NIPAL3: variants seen among roughly 807,000 people sequenced by gnomAD.
The protein encoded by NIPAL3 is NIPA-like protein 3.
Under a neutral mutation model 47.2 loss-of-function variants are expected in NIPAL3, and 41 were observed. That is an observed-to-expected ratio of 0.87 (90% CI 0.68 to 1.13). NIPAL3 has a LOEUF of 1.13. Ranked by LOEUF, NIPAL3 falls within the 50% of genes most tolerant of loss-of-function variation. The pLI is 0.00. For synonymous variants in NIPAL3, 194 were observed against 209.6 expected, an observed-to-expected ratio of 0.93 and a Z score of 0.64; for missense variants, 449 against 530.1, an observed-to-expected ratio of 0.85 and a Z score of 1.50.
intron 11 of NIPAL3, chr1:24,465,934 A>G: frequency 6.5e-7 from 1 of 1,538,640 alleles, no homozygotes; most frequent in Non-Finnish European, 8.8e-7. Context: ...GTCTCAGTCT[A>G]AACAGAGGTG....
chr1:24,466,290 G>A, intron 11 of NIPAL3: 1 of 421,986 alleles, frequency 2.4e-6, no homozygotes, highest in South Asian at 5.5e-5. Flanking sequence ...GGAAGAAAAG[G>A]GTTTTTTTCC....
intron 10 of NIPAL3, among the ~76,000 whole-genome samples, chr1:24,462,696 G>A (rs899329408): frequency 1.1e-4 from 16 of 152,110 alleles, no homozygotes; most frequent in African/African-American, 3.6e-4. Context: ...GAACCCGAGC[G>A]GCAGAGGTTG....
chr1:24,435,103 T>A (rs1173925457), intron 2 of NIPAL3, among the ~76,000 whole-genome samples: 1 of 152,218 alleles, frequency 6.6e-6, no homozygotes, highest in Non-Finnish European at 1.5e-5. Flanking sequence ...AATTAACCCA[T>A]ACATCTATGG....
chr1:24,446,906 C>A (rs901891392), intron 5 of NIPAL3, among the ~76,000 whole-genome samples: 4 of 152,156 alleles, frequency 2.6e-5, no homozygotes, highest in Non-Finnish European at 5.9e-5. Flanking sequence ...AAGCCCAGAT[C>A]CAGGTGATAC....
chr1:24,431,654 C>T (rs1473956173), intron 2 of NIPAL3, among the ~76,000 whole-genome samples: 1 of 152,174 alleles, frequency 6.6e-6, no homozygotes, highest in Non-Finnish European at 1.5e-5. Flanking sequence ...AATAGGGCTT[C>T]TCTGGTTTCT....
rs536591828 is a variant in NIPAL3, at chr1:24,467,234, C to T, written c.1022-1752C>T. ...ATCCCAGCATTTTGGGAGGCCGAGG[C>T]GGGCAGATCACAAGGTCAGGAGATC... is the stretch of plus-strand genomic sequence containing the variant. On this transcript the variant is annotated intron_variant, in intron 11 of 11. Coordinates refer to ENST00000374399, the MANE Select transcript of NIPAL3 (RefSeq NM_020448.5). 1.3e-3 allele frequency among the ~76,000 whole-genome samples: 202 copies of T among 151,926 alleles called. 1 individual carries two copies. Among genetic ancestry groups the T allele is most frequent in the African/African-American group, 4.5e-3 (188 of 41,458 alleles).
chr1:24,418,391 G>A (rs1271613857), intron 1 of NIPAL3, among the ~76,000 whole-genome samples: 3 of 152,166 alleles, frequency 2.0e-5, no homozygotes, highest in African/African-American at 7.2e-5. Context: ...AGCACTTTGG[G>A]AGGCTGAGGC....
intron 8 of NIPAL3, among the ~76,000 whole-genome samples, chr1:24,456,717 G>A (rs944927348): frequency 6.6e-6 from 1 of 152,188 alleles, no homozygotes; most frequent in Admixed American, 6.5e-5. Flanking sequence ...AGCAGTGGAT[G>A]GATTTTTCCC....
intron 2 of NIPAL3, among the ~76,000 whole-genome samples, chr1:24,435,426 A>G (rs1216606821): frequency 6.6e-6 from 1 of 152,214 alleles, no homozygotes; most frequent in East Asian, 1.9e-4. Flanking sequence ...TTTGTAGTGT[A>G]CCATTTTAAT....
At chr1:24,419,765 C>A in intron 2 of NIPAL3, 125 bp downstream of exon 2, 1 of 813,384 alleles carries the variant, frequency 1.2e-6, no homozygotes, top group Non-Finnish European at 2.0e-6. Context: ...CAGGCAGGCT[C>A]TTCACACAGA....
At position 24,454,708 on chromosome 1, in the gene NIPAL3, C is replaced by A; in HGVS notation, c.637+1204C>A. The A allele has an allele frequency of 3.5e-6, 1 of 282,572 alleles. No homozygotes were observed. Among genetic ancestry groups the A allele is most frequent in the Non-Finnish European group, 5.3e-6 (1 of 187,182 alleles). 17.5% of individuals were successfully genotyped at this position (282,572 alleles called of 1,614,324 possible). Reference sequence around the variant, plus strand: ...CCAAAAGAAACCCTGTGCCCATTAGCAGTCACTCCCTGTTCCCCTTTTCCC... The same window carrying A: ...CCAAAAGAAACCCTGTGCCCATTAGAAGTCACTCCCTGTTCCCCTTTTCCC... On this transcript the variant is annotated intron_variant, in intron 7 of 11. Transcript: ENST00000374399. The surrounding 1 kb of genome is among the most constrained non-coding windows in gnomAD (Gnocchi z 4.1).
chr1:24,441,670 G>A (rs79503061), intron 3 of NIPAL3, among the ~76,000 whole-genome samples: 3,475 of 152,232 alleles, frequency 0.023, 137 homozygotes, highest in African/African-American at 0.077. Context: ...GGAGGAGGTC[G>A]ACCCAAGGGC....
At position 24,468,729 on chromosome 1, in the gene NIPAL3, C is replaced by T. The variant is rs576193789; in HGVS notation, c.1022-257C>T. On this transcript the variant is annotated intron_variant, in intron 11 of 11. Coordinates refer to ENST00000374399, the MANE Select transcript of NIPAL3 (RefSeq NM_020448.5). ...CCGACATTCCCACCTCACTTTAGGC[C>T]AACTGAGGGTTCCTCCTGACAGCAG... 5.3e-5 allele frequency among the ~76,000 whole-genome samples: 8 copies of T among 152,306 alleles called. No homozygotes were observed. In the South Asian group the frequency reaches 1.7e-3, roughly 32 times the overall value.
chr1:24,459,671 G>A (rs1277116905), intron 9 of NIPAL3, among the ~76,000 whole-genome samples: 1 of 152,258 alleles, frequency 6.6e-6, no homozygotes, highest in Non-Finnish European at 1.5e-5. Flanking sequence ...TGTCTACACA[G>A]GAGGAACACA....
rs1220795783 is a variant in NIPAL3, at chr1:24,442,090, TC to T, written c.202del (p.Arg68GlyfsTer15). 1.9e-6 allele frequency: 3 copies of T among 1,613,984 alleles called. No individual in the cohort carries two copies. Among genetic ancestry groups the T allele is most frequent in the Non-Finnish European group, 2.5e-6 (3 of 1,179,996 alleles). On this transcript the variant is annotated frameshift_variant, in exon 4 of 12. Coordinates refer to ENST00000374399, the MANE Select transcript of NIPAL3 (RefSeq NM_020448.5). LOFTEE classifies it high-confidence loss of function. ...ACATCCGCCTGGCAGGCTCCAAGGATCCCCGGGCCTATTTCAAGACCAAGAC... is the reference window on the plus strand; with the variant it reads ...ACATCCGCCTGGCAGGCTCCAAGGATCCCGGGCCTATTTCAAGACCAAGAC... ...CHIRLAGSKDPRAYFKTKTWW... is the reference protein window; with the variant it reads ...CHIRLAGSKDXRAYFKTKTWW...
intron 11 of NIPAL3, chr1:24,466,269 C>T (rs1338940440): frequency 1.6e-5 from 8 of 491,266 alleles, no homozygotes; most frequent in Non-Finnish European, 1.1e-5. Flanking sequence ...AGGACACAAG[C>T]AGGTGGAATG....
upstream of NIPAL3, chr1:24,415,737 C>A: frequency 1.6e-6 from 1 of 634,004 alleles, no homozygotes; most frequent in Non-Finnish European, 2.0e-6. Flanking sequence ...TTCTGACTGG[C>A]AGGCAGTCTG....
chr1:24,454,628 T>G lies in NIPAL3; in HGVS notation c.637+1124T>G. The G allele has an allele frequency of 1.2e-6, 1 of 835,090 alleles. No individual in the cohort carries two copies. The highest frequency in any genetic ancestry group is 1.4e-6 in the Non-Finnish European group (1 of 692,918). The allele number at this position is 835,090 out of a possible 1,614,324, so 51.7% of individuals were successfully genotyped here. A position where few individuals can be genotyped will look rare whatever the true frequency, so the allele number is the denominator to read the frequency against. ...TATACAATTCAGTGGTTTTTAGTAT[T>G]TCATAGAGTTGTGAAACCATCATCC... On this transcript the variant is annotated intron_variant, in intron 7 of 11. Coordinates refer to ENST00000374399, the MANE Select transcript of NIPAL3 (RefSeq NM_020448.5). The surrounding 1 kb of genome is among the most constrained non-coding windows in gnomAD (Gnocchi z 4.1).
intron 4 of NIPAL3, 21 bp from the exon 5 acceptor site, chr1:24,445,164 T>C (rs1359190812): frequency 6.3e-7 from 1 of 1,596,276 alleles, no homozygotes; most frequent in East Asian, 2.2e-5. Context: ...AATTCCCTTT[T>C]CTTTGTGCTT....
Sources: allele counts gnomAD v4.1 joint callset (sites outside exome capture counted in the v4.1 genomes callset), GRCh38; gene constraint gnomAD v4.1.1; non-coding constraint Gnocchi (gnomAD v3.1); transcripts MANE v1.5; gene names NCBI Gene and HGNC (gene_info 2026-07-23, HGNC 2026-07-21).